The following TOX variants were observed in gnomAD, a reference collection of about 807,000 sequenced individuals.
TOX encodes the protein thymocyte selection-associated high mobility group box protein TOX.
In TOX, 11 loss-of-function variants were observed where a neutral mutation model predicts 53.7. The ratio of observed to expected loss-of-function variants is 0.20; its 90% CI spans 0.13 to 0.34. The LOEUF is 0.34. Ranked by LOEUF, TOX falls within the 10% of genes least tolerant of loss-of-function variation. TOX has a pLI of 1.00. For synonymous variants in TOX, 225 were observed against 245.3 expected, an observed-to-expected ratio of 0.92 and a Z score of 0.77; for missense variants, 570 against 664.6, an observed-to-expected ratio of 0.86 and a Z score of 1.56.
At chr8:59,040,730 T>C (rs1262626697) in intron 1 of TOX, among the ~76,000 whole-genome samples, 1 of 152,138 alleles carries the variant, frequency 6.6e-6, no homozygotes, top group Non-Finnish European at 1.5e-5. Context: ...AGTCCAAGGG[T>C]AGTTCAGGAA....
intron 1 of TOX, among the ~76,000 whole-genome samples, chr8:58,985,017 A>C (rs1813300219): frequency 6.6e-6 from 1 of 150,500 alleles, no homozygotes; most frequent in African/African-American, 2.4e-5. Flanking sequence ...TATGGACATA[A>C]CTATGGTCCA....
At chr8:58,922,405 C>A (rs978057273) in intron 3 of TOX, among the ~76,000 whole-genome samples, 2 of 152,168 alleles carry the variant, frequency 1.3e-5, no homozygotes, top group Admixed American at 1.3e-4. Flanking sequence ...ATATGCATAC[C>A]TAACTCCTCC....
At position 59,028,287 on chromosome 8, in the gene TOX, T is replaced by C. The variant is rs191336198; in HGVS notation, c.103-68279A>G. Reference sequence around the variant, plus strand: ...AGTTTATAAATATGCTAGGCACATATTTCCAAGTCTTAATTTAAAACCAAT... The same window carrying C: ...AGTTTATAAATATGCTAGGCACATACTTCCAAGTCTTAATTTAAAACCAAT... On this transcript the variant is annotated intron_variant, in intron 1 of 8. Transcript: ENST00000361421. Among the ~76,000 whole-genome samples the C allele has an allele frequency of 2.0e-3, 308 of 152,234 alleles. 1 individual carries two copies. Among genetic ancestry groups the C allele is most frequent in the Middle Eastern group, 6.8e-3 (2 of 294 alleles).
chr8:58,860,900 A>G (rs941693631), intron 3 of TOX, among the ~76,000 whole-genome samples: 2 of 151,958 alleles, frequency 1.3e-5, no homozygotes, highest in African/African-American at 4.8e-5. Context: ...AACTATGTAC[A>G]TATAATCTCT....
chr8:58,969,437 C>T (rs565110537), intron 1 of TOX, among the ~76,000 whole-genome samples: 24 of 152,160 alleles, frequency 1.6e-4, no homozygotes, highest in Admixed American at 1.2e-3. Context: ...TCATCATATC[C>T]GGAGTATAAT....
At chr8:58,942,158 T>C (rs115697670) in intron 2 of TOX, among the ~76,000 whole-genome samples, 69 of 152,174 alleles carry the variant, frequency 4.5e-4, no homozygotes, top group African/African-American at 1.6e-3. Flanking sequence ...GGAATGCCAT[T>C]AAATCTCTGA....
rs374396949 is a variant in TOX at position 58,815,703 on chromosome 8, C to T, written c.1027G>A (p.Val343Met). ...VSKSYSEPVD[V>M]KTSQPPQLIN... The stretch of plus-strand genomic sequence containing the variant: ...AGCTGAGGAGGTTGAGATGTCTTCA[C>T]GTCAACAGGTTCACTGTAGCTCTGT... The change falls in exon 7 of 9, where the codon GTG becomes ATG. Residue 343 changes from valine (V) to methionine (M), a missense_variant. Coordinates refer to ENST00000361421, the MANE Select transcript of TOX (RefSeq NM_014729.3). 63 of 1,612,142 alleles carry T rather than the reference C, an allele frequency of 3.9e-5. No homozygotes were observed. In the Admixed American group the frequency reaches 5.3e-4, roughly 14 times the overall value.
At chr8:59,040,226 G>A (rs1480115975) in intron 1 of TOX, among the ~76,000 whole-genome samples, 3 of 150,612 alleles carry the variant, frequency 2.0e-5, no homozygotes, top group Non-Finnish European at 4.5e-5. Context: ...CTACTTGGGA[G>A]GCTGAGGCAG....
intron 3 of TOX, among the ~76,000 whole-genome samples, chr8:58,860,184 C>T (rs1261446608): frequency 1.3e-5 from 2 of 152,116 alleles, no homozygotes; most frequent in Non-Finnish European, 2.9e-5. Flanking sequence ...CACCTAGCTG[C>T]CACTGTTTCT....
chr8:58,960,765 A>G (rs1812784949), intron 1 of TOX, among the ~76,000 whole-genome samples: 1 of 152,216 alleles, frequency 6.6e-6, no homozygotes, highest in African/African-American at 2.4e-5. Context: ...AACAACAACA[A>G]TAACAACAAC....
chr8:58,853,836 T>C (rs1445144843), intron 3 of TOX, among the ~76,000 whole-genome samples: 1 of 152,222 alleles, frequency 6.6e-6, no homozygotes, highest in Admixed American at 6.5e-5. Context: ...TAACTTTCAC[T>C]GATATCCTTA....
At chr8:58,995,762 A>G (rs1465802947) in intron 1 of TOX, among the ~76,000 whole-genome samples, 2 of 152,230 alleles carry the variant, frequency 1.3e-5, no homozygotes, top group African/African-American at 4.8e-5. Context: ...CATGAAAAAT[A>G]TACTTTAGCA....
rs560703991 is a variant in TOX at position 59,107,046 on chromosome 8, TGG to T, written c.102+11838_102+11839del. On this transcript the variant is annotated intron_variant, in intron 1 of 8. Coordinates refer to ENST00000361421, the MANE Select transcript of TOX (RefSeq NM_014729.3). ...ACAATGATCTTATAAAGCAGTTTGC[TGG>T]GGGGGGGGGGAACGTGACATTTCTA... Among the ~76,000 whole-genome samples the T allele has an allele frequency of 3.6e-4, 21 of 58,196 alleles. No individual in the cohort carries two copies. The South Asian group carries it at 5.5e-3, about 15-fold the overall frequency. The allele number at this position is 58,196 out of a possible 152,430, so 38.2% of individuals were successfully genotyped here. A position where few individuals can be genotyped will look rare whatever the true frequency, so the allele number is the denominator to read the frequency against.
intron 2 of TOX, among the ~76,000 whole-genome samples, chr8:58,948,695 T>C (rs1812565712): frequency 6.9e-6 from 1 of 144,594 alleles, no homozygotes; most frequent in Non-Finnish European, 1.5e-5. Context: ...TATAATTTTA[T>C]ACATAATGCA....
At chr8:58,813,204 T>G (rs924297364) in intron 7 of TOX, among the ~76,000 whole-genome samples, 1 of 152,238 alleles carries the variant, frequency 6.6e-6, no homozygotes, top group African/African-American at 2.4e-5. Flanking sequence ...ACATGTGGTC[T>G]TATGTAAATC....
chr8:58,937,058 G>A (rs926361075), intron 3 of TOX, among the ~76,000 whole-genome samples: 3 of 152,094 alleles, frequency 2.0e-5, no homozygotes, highest in Admixed American at 6.5e-5. Flanking sequence ...TCACCAACAC[G>A]GGCATTTGCT....
intron 3 of TOX, among the ~76,000 whole-genome samples, chr8:58,870,459 T>A (rs1481715414): frequency 1.3e-5 from 2 of 152,186 alleles, no homozygotes; most frequent in Non-Finnish European, 2.9e-5. Context: ...AAGATGTCAG[T>A]TCTTAACTTA....
chr8:59,033,889 G>A (rs1271799622), intron 1 of TOX, among the ~76,000 whole-genome samples: 3 of 152,154 alleles, frequency 2.0e-5, no homozygotes, highest in African/African-American at 7.2e-5. Flanking sequence ...AGATAGGGCG[G>A]CCTCAACATA....
At chr8:58,868,398 C>A (rs543503773) in intron 3 of TOX, among the ~76,000 whole-genome samples, 1 of 152,078 alleles carries the variant, frequency 6.6e-6, no homozygotes, top group South Asian at 2.1e-4. Flanking sequence ...CTTTTCTGCA[C>A]GGTGGACTAA....
Sources: allele counts gnomAD v4.1 joint callset (sites outside exome capture counted in the v4.1 genomes callset), GRCh38; gene constraint gnomAD v4.1.1; transcripts MANE v1.5; gene names NCBI Gene and HGNC (gene_info 2026-07-23, HGNC 2026-07-21).